Variants in VPS13B observed in about 807,000 individuals in gnomAD.
The protein encoded by VPS13B is intermembrane lipid transfer protein VPS13B.
In VPS13B, 285 loss-of-function variants were observed where a neutral mutation model predicts 426.4. The ratio of observed to expected loss-of-function variants is 0.67; its 90% CI spans 0.61 to 0.74. The LOEUF (loss-of-function observed/expected upper bound fraction) is 0.74. Among genes scored for constraint, VPS13B ranks in the 30% least tolerant of loss-of-function variants. The pLI is 0.00. For missense variants in VPS13B, 4,537 were observed against 4,782.6 expected (o/e 0.95, Z 1.51); for synonymous variants, 1,676 against 1,676.4 (o/e 1.00, Z 0.01).
At chr8:99,669,286 G>A (rs1830610600) in intron 35 of VPS13B, among the ~76,000 whole-genome samples, 1 of 151,654 alleles carries the variant, frequency 6.6e-6, no homozygotes, top group African/African-American at 2.4e-5. Context: ...AATTTAATGA[G>A]AGCTGACACA....
chr8:99,362,493 T>C (rs1205911729), intron 19 of VPS13B, among the ~76,000 whole-genome samples: 1 of 152,196 alleles, frequency 6.6e-6, no homozygotes, highest in African/African-American at 2.4e-5. Flanking sequence ...TAATAAACGT[T>C]AATTTAGTTA....
At chr8:99,415,982 A>G (rs943185845) in intron 21 of VPS13B, among the ~76,000 whole-genome samples, 3 of 152,254 alleles carry the variant, frequency 2.0e-5, no homozygotes, top group Admixed American at 6.5e-5. Flanking sequence ...GCTGGCAGGC[A>G]GGAACATTTA....
At chr8:99,857,303 C>T (rs1816598395) in intron 56 of VPS13B, among the ~76,000 whole-genome samples, 1 of 152,204 alleles carries the variant, frequency 6.6e-6, no homozygotes, top group South Asian at 2.1e-4. Flanking sequence ...CTGAACAGGC[C>T]TGTCGTGGGG....
At chr8:99,400,627 A>G (rs1307380048) in intron 21 of VPS13B, among the ~76,000 whole-genome samples, 6 of 152,146 alleles carry the variant, frequency 3.9e-5, no homozygotes. Flanking sequence ...TTAATACATC[A>G]GTAATGTTTC....
chr8:99,154,024 G>T (rs1440096162), intron 14 of VPS13B, among the ~76,000 whole-genome samples: 1 of 151,584 alleles, frequency 6.6e-6, no homozygotes, highest in Non-Finnish European at 1.5e-5. Context: ...CATTGTTTTT[G>T]AGTGGAGGTC....
chr8:99,300,881 T>G (rs1050740789), intron 19 of VPS13B, among the ~76,000 whole-genome samples: 121 of 77,126 alleles, frequency 1.6e-3, no homozygotes, highest in African/African-American at 5.9e-3. Context: ...TTTAATATAG[T>G]TTTTTTTTTT....
At chr8:99,389,066 T>A (rs1814282192) in intron 20 of VPS13B, among the ~76,000 whole-genome samples, 1 of 152,032 alleles carries the variant, frequency 6.6e-6, no homozygotes, top group Non-Finnish European at 1.5e-5. Context: ...GGAGAATCGC[T>A]TGAACCCGGA....
At chr8:99,177,840 T>C (rs181365160) in intron 16 of VPS13B, among the ~76,000 whole-genome samples, 3 of 152,362 alleles carry the variant, frequency 2.0e-5, no homozygotes, top group Admixed American at 2.0e-4. Flanking sequence ...TATGTCAGAA[T>C]AATTATATTG....
chr8:99,592,324 G>A (rs201306626), intron 33 of VPS13B, among the ~76,000 whole-genome samples: 9 of 152,004 alleles, frequency 5.9e-5, no homozygotes, highest in African/African-American at 9.7e-5. Flanking sequence ...CTGTCAGCTC[G>A]TCAAAGTCAT....
chr8:99,019,561 A>G (rs919538033), intron 2 of VPS13B, among the ~76,000 whole-genome samples: 4 of 152,102 alleles, frequency 2.6e-5, no homozygotes, highest in Non-Finnish European at 5.9e-5. Flanking sequence ...TTGTTGTGCA[A>G]CCATCACTAC....
chr8:99,830,685 A>C (rs928997960), intron 51 of VPS13B, among the ~76,000 whole-genome samples: 1 of 152,038 alleles, frequency 6.6e-6, no homozygotes, highest in Non-Finnish European at 1.5e-5. Context: ...TATCTGCCCA[A>C]ATGGCCGCCT....
chr8:99,600,853 T>C (rs1827257686), intron 33 of VPS13B, among the ~76,000 whole-genome samples: 1 of 152,150 alleles, frequency 6.6e-6, no homozygotes, highest in Non-Finnish European at 1.5e-5. Context: ...AGGCCCCTGA[T>C]TGGCATCTCC....
At chr8:99,349,021 A>G (rs891274131) in intron 19 of VPS13B, among the ~76,000 whole-genome samples, 25 of 152,220 alleles carry the variant, frequency 1.6e-4, no homozygotes, top group African/African-American at 5.8e-4. Flanking sequence ...TTTTTAAAGG[A>G]TATGAGATAT....
chr8:99,423,012 A>C (rs3110393), intron 21 of VPS13B, among the ~76,000 whole-genome samples: 26,501 of 152,126 alleles, frequency 0.17, 2,829 homozygotes, highest in East Asian at 0.38. Context: ...TCATCCTTAA[A>C]TGGTTTAATT....
chr8:99,717,041 T>G (rs1832952973), intron 36 of VPS13B, 130 bp from the exon 37 acceptor site: 1 of 855,328 alleles, frequency 1.2e-6, no homozygotes, highest in African/African-American at 1.7e-5. Context: ...GAAACGGTGG[T>G]GGACTGCCAA....
intron 19 of VPS13B, among the ~76,000 whole-genome samples, chr8:99,323,425 G>A (rs944503259): frequency 1.3e-5 from 2 of 152,164 alleles, no homozygotes; most frequent in Non-Finnish European, 2.9e-5. Flanking sequence ...TAAAAACTCA[G>A]AATAGCCCAG....
chr8:99,717,001 T>C (rs1832951615), intron 36 of VPS13B, among the ~76,000 whole-genome samples, 170 bp from the exon 37 acceptor site: 1 of 152,194 alleles, frequency 6.6e-6, no homozygotes, highest in Non-Finnish European at 1.5e-5. Flanking sequence ...GTATACCTGC[T>C]TCATAACTAG....
intron 31 of VPS13B, among the ~76,000 whole-genome samples, chr8:99,557,865 A>T (rs558941079): frequency 6.6e-6 from 1 of 152,318 alleles, no homozygotes; most frequent in South Asian, 2.1e-4. Context: ...TTAAAGCTAC[A>T]TACCTTTATA....
At chr8:99,564,089 T>C (rs929036120) in intron 31 of VPS13B, among the ~76,000 whole-genome samples, 44 of 152,176 alleles carry the variant, frequency 2.9e-4, no homozygotes, top group African/African-American at 1.0e-3. Flanking sequence ...TGTGCTTCTA[T>C]GTGTATGTTG....
Sources: allele counts gnomAD v4.1 joint callset (sites outside exome capture counted in the v4.1 genomes callset), GRCh38; gene constraint gnomAD v4.1.1; transcripts MANE v1.5; gene names NCBI Gene and HGNC (gene_info 2026-07-23, HGNC 2026-07-21).